The following PCSK1 variants were observed in gnomAD, a reference collection of about 807,000 sequenced individuals.
PCSK1 encodes neuroendocrine convertase 1.
PCSK1 carries 56 observed loss-of-function variants against 90.6 expected under a neutral mutation model. That is an observed-to-expected ratio of 0.62 (90% CI 0.50 to 0.77). The LOEUF (loss-of-function observed/expected upper bound fraction) is 0.77, where lower values mean the gene tolerates loss of function less well. Ranked by LOEUF, PCSK1 falls within the 30% of genes least tolerant of loss-of-function variation. PCSK1 has a pLI of 0.00. For synonymous variants in PCSK1, 348 were observed against 342.4 expected (o/e 1.02, Z -0.18); for missense variants, 801 against 932.6 (o/e 0.86, Z 1.84).
At chr5:96,421,277 G>A (rs1284407076) in intron 5 of PCSK1, among the ~76,000 whole-genome samples, 1 of 152,170 alleles carries the variant, frequency 6.6e-6, no homozygotes, top group Non-Finnish European at 1.5e-5. Flanking sequence ...TCTGGGAGTC[G>A]GGTGCTGTCT....
At chr5:96,406,257 T>C (rs1230859328) in intron 9 of PCSK1, among the ~76,000 whole-genome samples, 1 of 152,172 alleles carries the variant, frequency 6.6e-6, no homozygotes, top group Non-Finnish European at 1.5e-5. Context: ...GAGCTAGAAC[T>C]TGAAGCCAGG....
rs1286984519 is a variant in PCSK1 at position 96,425,005 on chromosome 5, AAGAAAAGAAAG to A, written c.396+804_396+814del. Among the ~76,000 whole-genome samples the A allele has an allele frequency of 3.5e-4, 45 of 128,700 alleles. 1 individual carries two copies. Among genetic ancestry groups the A allele is most frequent in the African/African-American group, 1.5e-3 (45 of 30,004 alleles). The allele number at this position is 128,700 out of a possible 152,430, so 84.4% of individuals were successfully genotyped here. On this transcript the variant is annotated intron_variant, in intron 3 of 13. Coordinates refer to ENST00000311106, the MANE Select transcript of PCSK1 (RefSeq NM_000439.5). Reference sequence around the variant, plus strand: ...AGAAAGAAAGAAAGAAAGAGAAAGAAAGAAAAGAAAGAAAGAAAGAAAGAAAGAAAGAAAGA... The same window carrying A: ...AGAAAGAAAGAAAGAAAGAGAAAGAAAAAGAAAGAAAGAAAGAAAGAAAGA...
chr5:96,423,287 A>T (rs770909154), intron 4 of PCSK1, 26 bp downstream of exon 4: 2 of 1,593,268 alleles, frequency 1.3e-6, no homozygotes, highest in South Asian at 2.3e-5. Flanking sequence ...TCCCTAAGTC[A>T]CAGTCATGAG....
chr5:96,411,732 A>G (rs1760760120), intron 7 of PCSK1, among the ~76,000 whole-genome samples: 1 of 152,244 alleles, frequency 6.6e-6, no homozygotes, highest in African/African-American at 2.4e-5. Context: ...AATGTCCAGA[A>G]GCACTTTTAA....
intron 1 of PCSK1, among the ~76,000 whole-genome samples, chr5:96,431,038 AC>A (rs1177775816): frequency 6.6e-6 from 1 of 152,176 alleles, no homozygotes; most frequent in Non-Finnish European, 1.5e-5. Context: ...GTCTCCTCCT[AC>A]ACGGTTACCA....
chr5:96,416,926 C>T (rs544968245), intron 5 of PCSK1, among the ~76,000 whole-genome samples: 7 of 152,308 alleles, frequency 4.6e-5, no homozygotes, highest in African/African-American at 1.7e-4. Context: ...TTTCCCACCA[C>T]CATCCTGACT....
chr5:96,432,097 A>AG, intron 1 of PCSK1: 1 of 1,534,840 alleles, frequency 6.5e-7, no homozygotes, highest in South Asian at 1.2e-5. Context: ...CTGAAGAACA[A>AG]GAAAGAAATA....
chr5:96,410,441 T>G (rs907298545), intron 8 of PCSK1, among the ~76,000 whole-genome samples: 3 of 152,026 alleles, frequency 2.0e-5, no homozygotes, highest in Non-Finnish European at 2.9e-5. Flanking sequence ...CCTACAACCC[T>G]GAGATCTCCT....
intron 2 of PCSK1, among the ~76,000 whole-genome samples, chr5:96,427,897 A>G (rs1017813114): frequency 6.6e-6 from 1 of 152,150 alleles, no homozygotes; most frequent in Admixed American, 6.5e-5. Context: ...TCTCCCTTGA[A>G]GTGAGTAAGG....
At chr5:96,432,002 C>G in intron 1 of PCSK1, 1 of 1,005,244 alleles carries the variant, frequency 9.9e-7, no homozygotes. Flanking sequence ...GCCCACCCAC[C>G]TCCAACCAGC....
intron 3 of PCSK1, among the ~76,000 whole-genome samples, chr5:96,423,775 C>G (rs1761198222): frequency 6.6e-6 from 1 of 152,186 alleles, no homozygotes; most frequent in South Asian, 2.1e-4. Context: ...ACATGCTCAA[C>G]CCTTTCATCT....
In PCSK1 at chr5:96,400,089, C is replaced by T. The variant is rs1197493348; in HGVS notation, c.1294G>A (p.Gly432Ser). ...CCAAATCGACTATTCACCATCAAGC[C>T]TGCTCCATTCTTTTTCCATCCAGGG... ...NNPGWKKNGA[G>S]LMVNSRFGFG... is the part of the protein sequence containing the mutation. Residue 432 changes from glycine to serine, a missense_variant, in exon 10 of 14, where the codon GGC becomes AGC. Coordinates refer to ENST00000311106, the MANE Select transcript of PCSK1 (RefSeq NM_000439.5). 3 of 1,614,066 alleles carry T rather than the reference C, an allele frequency of 1.9e-6. No individual in the cohort carries two copies. The highest frequency in any genetic ancestry group is 2.7e-5 in the African/African-American group (2 of 74,928).
Position 96,408,215 on chromosome 5 carries a change from G to C in PCSK1, c.1196+8C>G. 1 of 1,603,002 alleles carries C rather than the reference G, an allele frequency of 6.2e-7. No homozygotes were observed. Among genetic ancestry groups the C allele is most frequent in the South Asian group, 1.1e-5 (1 of 90,836 alleles). On this transcript the variant is annotated splice_region_variant and intron_variant, in intron 9 of 13. Coordinates refer to ENST00000311106, the MANE Select transcript of PCSK1 (RefSeq NM_000439.5). ...TGTAAAGGTGATTAGAAGCTTTCTG[G>C]GCCTTACTTTGCTTCCAGGGCCAGA...
In PCSK1 at chr5:96,390,964, TATAC is replaced by T. The variant is rs1580739727; in HGVS notation, c.*2033_*2036del. Reference sequence around the variant, plus strand: ...GTTAGGAAGAATCAAAAGAAAGATTTATACATCTAGCACTAGATTGGGAATGGAA... The same window carrying T: ...GTTAGGAAGAATCAAAAGAAAGATTTATCTAGCACTAGATTGGGAATGGAA... On this transcript the variant is annotated 3_prime_UTR_variant, in exon 14 of 14. Transcript: ENST00000311106. 6.6e-6 allele frequency: 1 copy of T among 152,664 alleles called. No individual in the cohort carries two copies. The highest frequency in any genetic ancestry group is 2.4e-5 in the African/African-American group (1 of 41,462). 9.5% of individuals were successfully genotyped at this position (152,664 alleles called of 1,614,324 possible).
chr5:96,400,601 C>T (rs566105739), intron 9 of PCSK1, among the ~76,000 whole-genome samples: 77 of 152,328 alleles, frequency 5.1e-4, no homozygotes, highest in African/African-American at 1.7e-3. Context: ...AACCCACAGA[C>T]GAGGCCTTGA....
intron 13 of PCSK1, 76 bp from the exon 14 acceptor site, chr5:96,393,454 C>T: frequency 1.3e-6 from 2 of 1,539,718 alleles, no homozygotes; most frequent in African/African-American, 1.4e-5. Context: ...GCAACCCTAC[C>T]ACAGGAACGC....
At chr5:96,426,448 C>G (rs1344591156) in intron 2 of PCSK1, among the ~76,000 whole-genome samples, 2 of 152,160 alleles carry the variant, frequency 1.3e-5, no homozygotes, top group Non-Finnish European at 2.9e-5. Flanking sequence ...AACTCCCTCC[C>G]CTGTGCTTCG....
chr5:96,423,786 A>G (rs1432176529), intron 3 of PCSK1, among the ~76,000 whole-genome samples: 1 of 152,184 alleles, frequency 6.6e-6, no homozygotes, highest in Admixed American at 6.5e-5. Flanking sequence ...CCTTTCATCT[A>G]TGGAAGCTCT....
chr5:96,430,986 G>A (rs1327153128), intron 1 of PCSK1, among the ~76,000 whole-genome samples: 1 of 152,182 alleles, frequency 6.6e-6, no homozygotes, highest in Non-Finnish European at 1.5e-5. Flanking sequence ...GAGCTAACAG[G>A]TGGGAAAAAG....
Sources: allele counts gnomAD v4.1 joint callset (sites outside exome capture counted in the v4.1 genomes callset), GRCh38; gene constraint gnomAD v4.1.1; transcripts MANE v1.5; gene names NCBI Gene and HGNC (gene_info 2026-07-23, HGNC 2026-07-21).